ZNF148: variants seen among roughly 807,000 people sequenced by gnomAD.
ZNF148 encodes the protein zinc finger protein 148, also known as Beta-Enolase Repressor Factor-1.
ZNF148 carries 7 observed loss-of-function variants against 67.7 expected under a neutral mutation model. That is an observed-to-expected ratio of 0.10 (90% CI 0.06 to 0.19). The LOEUF (loss-of-function observed/expected upper bound fraction) is 0.19. ZNF148 is among the 10% of genes least tolerant of loss of function. The probability of loss-of-function intolerance (pLI) is 1.00; values close to 1 mark genes in which losing one functional copy is unlikely to be tolerated. For synonymous variants in ZNF148, 333 were observed against 330.7 expected, an observed-to-expected ratio of 1.01 and a Z score of -0.08; for missense variants, 583 against 947.1, an observed-to-expected ratio of 0.62 and a Z score of 5.05.
chr3:125,277,632 G>C (rs550130774), intron 7 of ZNF148, 94 bp downstream of exon 7: 146 of 1,008,568 alleles, frequency 1.4e-4, no homozygotes, highest in Non-Finnish European at 2.0e-4. Flanking sequence ...TAAACCAATG[G>C]AAATGGCAGC....
rs1044961008 is a variant in ZNF148, at chr3:125,296,954, GA to G, written c.334-8727del. Among the ~76,000 whole-genome samples, 3 of 147,696 alleles carry G rather than the reference GA, an allele frequency of 2.0e-5. No individual in the cohort carries two copies. The East Asian group carries it at 5.9e-4, about 29-fold the overall frequency. On this transcript the variant is annotated intron_variant, in intron 4 of 8. Transcript: ENST00000360647. ...TGCAAACACACCAACTACCTACATA[GA>G]AAAAAAAACAAAAAAAGAAACATTA...
At position 125,230,819 on chromosome 3, in the gene ZNF148, A is replaced by T. The variant is rs970113879; in HGVS notation, c.*1522T>A. 6 of 152,314 alleles carry T rather than the reference A, an allele frequency of 3.9e-5. No individual in the cohort carries two copies. The South Asian group carries it at 1.2e-3, about 32-fold the overall frequency. The allele number at this position is 152,314 out of a possible 1,614,324, so 9.4% of individuals were successfully genotyped here. A position where few individuals can be genotyped will look rare whatever the true frequency, so the allele number is the denominator to read the frequency against. On this transcript the variant is annotated 3_prime_UTR_variant, in exon 9 of 9. Coordinates refer to ENST00000360647, the MANE Select transcript of ZNF148 (RefSeq NM_021964.3). ...TTGTGACAACGATGGCAGAAAATTT[A>T]AAATGTAAAAATGAAAAAGTTGTAA...
intron 7 of ZNF148, among the ~76,000 whole-genome samples, chr3:125,257,558 T>TAAAA (rs747363908): frequency 0.019 from 1,727 of 92,278 alleles, 70 homozygotes; most frequent in African/African-American, 0.071. Context: ...CCGTCTCTAT[T>TAAAA]AAAAAAAAAA....
At chr3:125,263,442 T>G (rs1290772887) in intron 7 of ZNF148, among the ~76,000 whole-genome samples, 3 of 151,826 alleles carry the variant, frequency 2.0e-5, no homozygotes, top group Non-Finnish European at 4.4e-5. Flanking sequence ...TCCCAGGTAC[T>G]CAGGAGGCTG....
At chr3:125,344,565 T>C (rs1351037898) in intron 1 of ZNF148, 3 of 950,954 alleles carry the variant, frequency 3.2e-6, no homozygotes, top group East Asian at 4.8e-5. Context: ...TTCCACCTCC[T>C]CCTCCACCAT....
intron 1 of ZNF148, among the ~76,000 whole-genome samples, chr3:125,338,204 T>C (rs925267517): frequency 1.3e-5 from 2 of 152,136 alleles, no homozygotes; most frequent in Non-Finnish European, 2.9e-5. Context: ...TTAAGATATA[T>C]TTAACATTAC....
At chr3:125,282,276 G>C (rs891378070) in intron 5 of ZNF148, among the ~76,000 whole-genome samples, 2 of 152,076 alleles carry the variant, frequency 1.3e-5, no homozygotes, top group African/African-American at 4.8e-5. Flanking sequence ...AGTAGAATGT[G>C]ATCTACCAGC....
intron 7 of ZNF148, among the ~76,000 whole-genome samples, chr3:125,276,181 T>C (rs184638705): frequency 2.0e-5 from 3 of 152,276 alleles, no homozygotes; most frequent in African/African-American, 7.2e-5. Flanking sequence ...CACACAAAAA[T>C]AATCACTTTC....
intron 7 of ZNF148, among the ~76,000 whole-genome samples, chr3:125,265,187 G>T (rs1937507781): frequency 6.6e-6 from 1 of 152,118 alleles, no homozygotes; most frequent in Admixed American, 6.5e-5. Flanking sequence ...TATCAGAAAA[G>T]GCCTAGATAA....
intron 3 of ZNF148, among the ~76,000 whole-genome samples, chr3:125,322,540 TTAAAGG>T (rs1425464472): frequency 2.0e-5 from 3 of 152,058 alleles, no homozygotes; most frequent in Non-Finnish European, 4.4e-5. Flanking sequence ...CAAACTCCTC[TTAAAGG>T]TAAAGAGAAT....
intron 3 of ZNF148, among the ~76,000 whole-genome samples, chr3:125,316,575 A>G (rs1198362402): frequency 6.6e-6 from 1 of 152,066 alleles, no homozygotes; most frequent in Non-Finnish European, 1.5e-5. Context: ...TGCAGTTTTG[A>G]TCTCCATTTT....
At chr3:125,353,428 A>C (rs1200916866) in intron 1 of ZNF148, among the ~76,000 whole-genome samples, 1 of 152,126 alleles carries the variant, frequency 6.6e-6, no homozygotes, top group Non-Finnish European at 1.5e-5. Context: ...CACAAAAATA[A>C]GTGCAGGTTT....
intron 2 of ZNF148, among the ~76,000 whole-genome samples, chr3:125,325,934 G>A (rs1326740566): frequency 6.6e-6 from 1 of 152,178 alleles, no homozygotes; most frequent in Non-Finnish European, 1.5e-5. Flanking sequence ...AGAGAATAAT[G>A]ATTCAGCATA....
At chr3:125,351,617 A>C (rs758912799) in intron 1 of ZNF148, among the ~76,000 whole-genome samples, 4 of 152,192 alleles carry the variant, frequency 2.6e-5, no homozygotes, top group Admixed American at 6.5e-5. Flanking sequence ...AAGTGAAAAC[A>C]ACCCACAGAA....
chr3:125,288,409 A>G (rs1470656435), intron 4 of ZNF148, among the ~76,000 whole-genome samples, 181 bp from the exon 5 acceptor site: 4 of 152,024 alleles, frequency 2.6e-5, no homozygotes, highest in African/African-American at 9.7e-5. Flanking sequence ...GTGGGTAATA[A>G]GAATTGAGAG....
intron 1 of ZNF148, among the ~76,000 whole-genome samples, chr3:125,337,723 T>C (rs1941556048): frequency 6.6e-6 from 1 of 152,190 alleles, no homozygotes; most frequent in South Asian, 2.1e-4. Flanking sequence ...GCAAGTATTA[T>C]TGTTTGTCTC....
intron 4 of ZNF148, among the ~76,000 whole-genome samples, chr3:125,299,195 T>C (rs560477618): frequency 2.4e-4 from 37 of 152,340 alleles, no homozygotes; most frequent in African/African-American, 8.4e-4. Flanking sequence ...CTGAAACTGA[T>C]GTAGCTAGGC....
At chr3:125,251,744 A>C (rs1005575218) in intron 7 of ZNF148, among the ~76,000 whole-genome samples, 5 of 152,200 alleles carry the variant, frequency 3.3e-5, no homozygotes, top group Non-Finnish European at 1.5e-5. Context: ...GTTTTTGGTG[A>C]CTACTAACAA....
At chr3:125,237,672 A>C (rs544697467) in intron 7 of ZNF148, among the ~76,000 whole-genome samples, 1 of 152,350 alleles carries the variant, frequency 6.6e-6, no homozygotes, top group South Asian at 2.1e-4. Context: ...GTGATAATGA[A>C]AGAGAAAAAT....
Sources: allele counts gnomAD v4.1 joint callset (sites outside exome capture counted in the v4.1 genomes callset), GRCh38; gene constraint gnomAD v4.1.1; transcripts MANE v1.5; gene names NCBI Gene and HGNC (gene_info 2026-07-23, HGNC 2026-07-21).